DCHS2: variants seen among roughly 807,000 people sequenced by gnomAD.
The protein encoded by DCHS2 is dachsous cadherin-related 2.
A neutral mutation model predicts 182.4 loss-of-function variants in DCHS2; 142 were observed. That is an observed-to-expected ratio of 0.78 (90% CI 0.68 to 0.89). The LOEUF (loss-of-function observed/expected upper bound fraction) is 0.89. Ranked by LOEUF, DCHS2 falls within the 40% of genes least tolerant of loss-of-function variation. The probability of loss-of-function intolerance (pLI) is 0.00; values close to 1 mark genes in which losing one functional copy is unlikely to be tolerated. For synonymous variants in DCHS2, 1,740 were observed against 1,663.3 expected (o/e 1.05, Z -1.12); for missense variants, 4,319 against 4,198.6 (o/e 1.03, Z -0.79).
intron 3 of DCHS2, chr4:154,343,709 G>A: frequency 7.6e-7 from 1 of 1,324,238 alleles, no homozygotes. Context: ...GAATGATGTG[G>A]CTGCTTTGAT....
At chr4:154,309,743 C>T (rs1005822656) in intron 10 of DCHS2, among the ~76,000 whole-genome samples, 2 of 152,112 alleles carry the variant, frequency 1.3e-5, no homozygotes, top group Admixed American at 6.5e-5. Context: ...AAATGGAATG[C>T]TAGGAATTCA....
At position 154,320,619 on chromosome 4, in the gene DCHS2, C is replaced by T; in HGVS notation, c.4780G>A (p.Val1594Met). The T allele has an allele frequency of 6.2e-7, 1 of 1,614,128 alleles. No homozygotes were observed. The highest frequency in any genetic ancestry group is 8.5e-7 in the Non-Finnish European group (1 of 1,180,020). ...CTCAGTCGCCGGTCTGTCACATTCA[C>T]AGCCTGATCAGATGCTGTTACTGTC... is the stretch of plus-strand genomic sequence containing the variant. ...ILTVTASDQA[V>M]NVTDRRLRSL... Residue 1594 changes from valine (V) to methionine (M), a missense_variant, in exon 9 of 20, where the codon GTG (valine) becomes ATG (methionine). By Grantham distance (21) the Val-to-Met change is conservative. Coordinates refer to ENST00000357232, the MANE Select transcript of DCHS2 (RefSeq NM_001358235.2).
At chr4:154,288,574 G>C (rs1734513450) in intron 13 of DCHS2, among the ~76,000 whole-genome samples, 1 of 151,994 alleles carries the variant, frequency 6.6e-6, no homozygotes, top group African/African-American at 2.4e-5. Flanking sequence ...GGACCCAATA[G>C]ATATTTACAG....
chr4:154,314,743 A>G (rs1042942915), intron 10 of DCHS2, among the ~76,000 whole-genome samples: 1 of 152,236 alleles, frequency 6.6e-6, no homozygotes, highest in Non-Finnish European at 1.5e-5. Flanking sequence ...ACATTGATAT[A>G]TAATGCCATT....
intron 13 of DCHS2, among the ~76,000 whole-genome samples, chr4:154,279,428 T>C (rs1448887777): frequency 6.6e-6 from 1 of 152,020 alleles, no homozygotes; most frequent in Non-Finnish European, 1.5e-5. Flanking sequence ...ATACAAATGC[T>C]ATCCAAAAGA....
chr4:154,417,204 T>TGTGTGTGTGAGAGAGA (rs1560745908), intron 1 of DCHS2, among the ~76,000 whole-genome samples: 3 of 39,514 alleles, frequency 7.6e-5, no homozygotes, highest in East Asian at 1.7e-3. Context: ...TGTGTGTGTG[T>TGTGTGTGTGAGAGAGA]GAGAGAGAGA....
intron 8 of DCHS2, among the ~76,000 whole-genome samples, chr4:154,321,555 T>A (rs946009203): frequency 1.3e-5 from 2 of 152,216 alleles, no homozygotes; most frequent in Non-Finnish European, 2.9e-5. Context: ...GTTCTCCAGA[T>A]TATTTTAAAT....
At chr4:154,485,669 T>C (rs1431912527) in intron 1 of DCHS2, among the ~76,000 whole-genome samples, 1 of 152,244 alleles carries the variant, frequency 6.6e-6, no homozygotes, top group Non-Finnish European at 1.5e-5. Context: ...TCAATCAATG[T>C]TATTGAATTA....
chr4:154,363,176 T>C (rs767141210), intron 3 of DCHS2, among the ~76,000 whole-genome samples: 1 of 152,058 alleles, frequency 6.6e-6, no homozygotes. Flanking sequence ...AAGTTAAAAA[T>C]AGAACTAAAA....
chr4:154,257,336 C>G (rs1187007187), intron 15 of DCHS2, among the ~76,000 whole-genome samples: 1 of 152,124 alleles, frequency 6.6e-6, no homozygotes, highest in Non-Finnish European at 1.5e-5. Flanking sequence ...GCTAACCCAA[C>G]CGGGGAGAGA....
At chr4:154,303,046 A>C (rs563420304) in intron 12 of DCHS2, among the ~76,000 whole-genome samples, 46 of 149,844 alleles carry the variant, frequency 3.1e-4, no homozygotes, top group Non-Finnish European at 5.8e-4. Flanking sequence ...CAATGGCACA[A>C]TCTCAGCTCA....
intron 1 of DCHS2, among the ~76,000 whole-genome samples, chr4:154,384,156 T>C (rs1055994490): frequency 4.6e-5 from 7 of 152,196 alleles, no homozygotes; most frequent in African/African-American, 1.4e-4. Context: ...GGAATCAGCA[T>C]TGGGGCCCAC....
chr4:154,235,164 G>C lies in DCHS2; in HGVS notation c.9488C>G (p.Thr3163Arg). 1 of 1,614,062 alleles carries C rather than the reference G, an allele frequency of 6.2e-7. No homozygotes were observed. Among genetic ancestry groups the C allele is most frequent in the East Asian group, 2.2e-5 (1 of 44,854 alleles). Residue 3163 changes from threonine (T) to arginine (R), a missense_variant, in exon 20 of 20, where the codon ACA becomes AGA. Physicochemically the swap from Thr to Arg is moderately conservative, Grantham distance 71. Coordinates refer to ENST00000357232, the MANE Select transcript of DCHS2 (RefSeq NM_001358235.2). ...VTAETAEASQ[T>R]FGEGDQGEGC... Reference sequence around the variant, plus strand: ...TTCCCCTTGATCTCCTTCCCCAAATGTTTGGCTGGCTTCTGCTGTTTCGGC... The same window carrying C: ...TTCCCCTTGATCTCCTTCCCCAAATCTTTGGCTGGCTTCTGCTGTTTCGGC...
intron 16 of DCHS2, among the ~76,000 whole-genome samples, chr4:154,252,254 T>C (rs1379516044): frequency 6.6e-6 from 1 of 152,196 alleles, no homozygotes; most frequent in Non-Finnish European, 1.5e-5. Context: ...GCAATGTGTA[T>C]CAATTACATC....
chr4:154,402,967 AT>A (rs1253504055), intron 1 of DCHS2, among the ~76,000 whole-genome samples: 1 of 152,156 alleles, frequency 6.6e-6, no homozygotes, highest in African/African-American at 2.4e-5. Flanking sequence ...TTAAAATTTC[AT>A]TTACTACTTT....
intron 1 of DCHS2, among the ~76,000 whole-genome samples, chr4:154,460,293 C>G (rs1296679532): frequency 6.6e-6 from 1 of 152,158 alleles, no homozygotes; most frequent in African/African-American, 2.4e-5. Context: ...ACACTTTGTG[C>G]TGAATGATTT....
At chr4:154,465,809 C>T (rs1189094540) in intron 1 of DCHS2, among the ~76,000 whole-genome samples, 2 of 152,142 alleles carry the variant, frequency 1.3e-5, no homozygotes, top group Non-Finnish European at 2.9e-5. Context: ...CTGGATGCCT[C>T]ATCATGCTGG....
At chr4:154,484,225 T>G (rs892116517) in intron 1 of DCHS2, among the ~76,000 whole-genome samples, 4 of 152,232 alleles carry the variant, frequency 2.6e-5, no homozygotes, top group Admixed American at 2.6e-4. Flanking sequence ...TTCACTACCA[T>G]TCCCCTAATT....
chr4:154,436,617 T>C (rs1264331678), intron 1 of DCHS2, among the ~76,000 whole-genome samples: 1 of 152,178 alleles, frequency 6.6e-6, no homozygotes, highest in Non-Finnish European at 1.5e-5. Context: ...ACATATACAA[T>C]AAACATATAC....
Sources: gnomAD v4.1 joint callset for allele counts (sites outside exome capture counted in the v4.1 genomes callset) on GRCh38, gnomAD v4.1.1 for gene constraint, MANE v1.5 for transcripts, NCBI Gene and HGNC (gene_info 2026-07-23, HGNC 2026-07-21) for gene names.